Variants in CUX2 observed in about 807,000 individuals in gnomAD.
CUX2 encodes cut like homeobox 2.
CUX2 carries 40 observed loss-of-function variants against 144.8 expected under a neutral mutation model. The observed-to-expected ratio is 0.28, with a 90% CI of 0.21 to 0.36. CUX2 has a LOEUF of 0.36. Among genes scored for constraint, CUX2 ranks in the 10% least tolerant of loss-of-function variants. The pLI is 1.00. For synonymous variants in CUX2, 827 were observed against 875.6 expected, an observed-to-expected ratio of 0.94 and a Z score of 0.98; for missense variants, 1,615 against 1,994.0, an observed-to-expected ratio of 0.81 and a Z score of 3.62.
At chr12:111,223,853 G>A (rs1305907586) in intron 3 of CUX2, among the ~76,000 whole-genome samples, 2 of 152,114 alleles carry the variant, frequency 1.3e-5, no homozygotes, top group Non-Finnish European at 2.9e-5. Flanking sequence ...CCATCTCTTT[G>A]CTGGATGAAC....
chr12:111,080,112 T>C (rs1042062783), intron 1 of CUX2, among the ~76,000 whole-genome samples: 1 of 152,092 alleles, frequency 6.6e-6, no homozygotes, highest in Non-Finnish European at 1.5e-5. Context: ...ACTGAGCACT[T>C]TCTCACCTCA....
intron 4 of CUX2, among the ~76,000 whole-genome samples, chr12:111,286,823 C>T (rs1309409904): frequency 6.6e-6 from 1 of 152,010 alleles, no homozygotes; most frequent in African/African-American, 2.4e-5. Flanking sequence ...GAGCCAAGAT[C>T]GAGCCTTGGC....
At chr12:111,121,117 AAAC>A (rs1347633320) in intron 1 of CUX2, among the ~76,000 whole-genome samples, 3 of 151,578 alleles carry the variant, frequency 2.0e-5, no homozygotes, top group Admixed American at 6.6e-5. Flanking sequence ...AAAAAAAAAA[AAAC>A]AACCCACAAC....
At chr12:111,053,476 C>T (rs1870374575) in intron 1 of CUX2, among the ~76,000 whole-genome samples, 1 of 152,216 alleles carries the variant, frequency 6.6e-6, no homozygotes, top group Non-Finnish European at 1.5e-5. Flanking sequence ...GATTTAGCCC[C>T]AAGAGTATTC....
Position 111,061,271 on chromosome 12 carries a change from G to A in CUX2, c.63+27031G>A, listed in dbSNP as rs958572367. Among the ~76,000 whole-genome samples the A allele has an allele frequency of 1.3e-5, 2 of 151,598 alleles. No homozygotes were observed. The highest frequency in any genetic ancestry group is 4.9e-5 in the African/African-American group (2 of 41,220). On this transcript the variant is annotated intron_variant, in intron 1 of 21. Transcript: ENST00000261726. The surrounding 1 kb of genome is among the most constrained non-coding windows in gnomAD (Gnocchi z 4.2). The stretch of plus-strand genomic sequence containing the variant: ...CAACCCAGGACCCATGCACACCACA[G>A]TCCATGGCATCCTTTGCTCTCCTTT...
At chr12:111,298,619 G>T in intron 9 of CUX2, 30 bp downstream of exon 9, 1 of 1,554,704 alleles carries the variant, frequency 6.4e-7, no homozygotes. Context: ...ACCCGTGGGT[G>T]CCAGAGGCTC....
Position 111,298,667 on chromosome 12 carries a change from G to A in CUX2, c.753+78G>A. The A allele has an allele frequency of 3.0e-6, 4 of 1,335,546 alleles. No homozygotes were observed. The South Asian group carries it at 3.8e-5, about 13-fold the overall frequency. The allele number at this position is 1,335,546 out of a possible 1,614,324, so 82.7% of individuals were successfully genotyped here. A position where few individuals can be genotyped will look rare whatever the true frequency, so the allele number is the denominator to read the frequency against. ...GTGGGGGTCTCGGGCCAGATGAGGA[G>A]GAAGGGACTGAGCTTCATCAATATT... On this transcript the variant is annotated intron_variant, in intron 9 of 21. Transcript: ENST00000261726.
intron 1 of CUX2, among the ~76,000 whole-genome samples, chr12:111,042,506 C>T (rs141504743): frequency 7.6e-4 from 115 of 152,314 alleles, no homozygotes; most frequent in African/African-American, 2.6e-3. Context: ...GGTTCAAATC[C>T]CAGCTCTGCC....
intron 21 of CUX2, among the ~76,000 whole-genome samples, chr12:111,344,219 G>A (rs951841901): frequency 1.3e-5 from 2 of 152,144 alleles, no homozygotes; most frequent in Non-Finnish European, 2.9e-5. Context: ...TGAGCACTCC[G>A]TTATTATCCA....
At chr12:111,318,592 C>CT (rs111586172) in intron 16 of CUX2, among the ~76,000 whole-genome samples, 8,694 of 136,170 alleles carry the variant, frequency 0.064, 556 homozygotes, top group Admixed American at 0.21. Context: ...GACCACATCT[C>CT]TTTTTTTAAA....
chr12:111,250,020 C>T (rs1389715474), intron 3 of CUX2, among the ~76,000 whole-genome samples: 1 of 152,126 alleles, frequency 6.6e-6, no homozygotes, highest in East Asian at 1.9e-4. Context: ...CATGTACCCA[C>T]CATCACAGTG....
chr12:111,105,936 C>T (rs1036500449), intron 1 of CUX2, among the ~76,000 whole-genome samples: 2 of 149,620 alleles, frequency 1.3e-5, no homozygotes, highest in African/African-American at 5.0e-5. Flanking sequence ...ATGATCATGG[C>T]TCACTGCAGC....
chr12:111,307,321 A>G lies in CUX2; in HGVS notation c.1109+64A>G. 6.9e-7 allele frequency: 1 copy of G among 1,440,980 alleles called. No individual in the cohort carries two copies. The highest frequency in any genetic ancestry group is 9.7e-7 in the Non-Finnish European group (1 of 1,033,560). The allele number at this position is 1,440,980 out of a possible 1,614,324, so 89.3% of individuals were successfully genotyped here. A position where few individuals can be genotyped will look rare whatever the true frequency, so the allele number is the denominator to read the frequency against. ...CTTCCCTGGCCAGGAGCTCTTGGCA[A>G]AGTTCATCATCTTCCTCCCTCCTAC... On this transcript the variant is annotated intron_variant, in intron 12 of 21. Coordinates refer to ENST00000261726, the MANE Select transcript of CUX2 (RefSeq NM_015267.4). This position sits in a 1 kb window ranked among gnomAD's most constrained non-coding sequence, Gnocchi z 4.1.
intron 1 of CUX2, among the ~76,000 whole-genome samples, chr12:111,129,391 G>A (rs1875300846): frequency 6.6e-6 from 1 of 151,764 alleles, no homozygotes; most frequent in African/African-American, 2.4e-5. Flanking sequence ...GGCCTTGCCA[G>A]CTGAAAGCAC....
intron 3 of CUX2, among the ~76,000 whole-genome samples, chr12:111,229,959 A>G (rs1882377871): frequency 6.6e-6 from 1 of 151,268 alleles, no homozygotes; most frequent in Non-Finnish European, 1.5e-5. Context: ...GGCTGCAGTG[A>G]ACTGAGATCG....
In CUX2 at chr12:111,293,929, C is replaced by A. The variant is rs1325736244; in HGVS notation, c.560+360C>A. 6.6e-6 allele frequency among the ~76,000 whole-genome samples: 1 copy of A among 152,232 alleles called. No individual in the cohort carries two copies. Among genetic ancestry groups the A allele is most frequent in the Non-Finnish European group, 1.5e-5 (1 of 68,038 alleles). On this transcript the variant is annotated intron_variant, in intron 6 of 21. Coordinates refer to ENST00000261726, the MANE Select transcript of CUX2 (RefSeq NM_015267.4). The surrounding 1 kb of genome is among the most constrained non-coding windows in gnomAD (Gnocchi z 4.5). ...GACTTAGCTTATGCAGTTGTGGGAG[C>A]TGCCAGGTGCAAAATTGGTAGAGCA... is the stretch of plus-strand genomic sequence containing the variant.
chr12:111,348,624 G>A lies in CUX2; in HGVS notation c.*299G>A. 3.3e-6 allele frequency: 1 copy of A among 300,912 alleles called. No homozygotes were observed. The highest frequency in any genetic ancestry group is 6.1e-6 in the Non-Finnish European group (1 of 163,552). The allele number at this position is 300,912 out of a possible 1,614,324, so 18.6% of individuals were successfully genotyped here. On this transcript the variant is annotated 3_prime_UTR_variant, in exon 22 of 22. Transcript: ENST00000261726. ...CACCTGAAAACTCCAAACTCTTTTAGAAAAATAAATAAATATTTATAGACC... is the reference window on the plus strand; with the variant it reads ...CACCTGAAAACTCCAAACTCTTTTAAAAAAATAAATAAATATTTATAGACC...
chr12:111,340,487 T>C (rs1888530836), intron 20 of CUX2, among the ~76,000 whole-genome samples: 2 of 152,164 alleles, frequency 1.3e-5, no homozygotes, highest in Non-Finnish European at 2.9e-5. Flanking sequence ...GGTGGGAGGA[T>C]TGCTTGAGGC....
chr12:111,214,326 C>A lies in CUX2; in HGVS notation c.174+16C>A. The A allele has an allele frequency of 6.9e-7, 1 of 1,450,048 alleles. No individual in the cohort carries two copies. Among genetic ancestry groups the A allele is most frequent in the Non-Finnish European group, 9.6e-7 (1 of 1,042,696 alleles). The allele number at this position is 1,450,048 out of a possible 1,614,324, so 89.8% of individuals were successfully genotyped here. A position where few individuals can be genotyped will look rare whatever the true frequency, so the allele number is the denominator to read the frequency against. On this transcript the variant is annotated intron_variant, in intron 2 of 21. Coordinates refer to ENST00000261726, the MANE Select transcript of CUX2 (RefSeq NM_015267.4). The stretch of plus-strand genomic sequence containing the variant: ...TGTACCTGAGGTATGGTATATTTGC[C>A]GTTATAGAATTAACTCAGTAGGAAT...
Sources: gnomAD v4.1 joint callset for allele counts (sites outside exome capture counted in the v4.1 genomes callset) on GRCh38, gnomAD v4.1.1 for gene constraint, Gnocchi (gnomAD v3.1) non-coding constraint, MANE v1.5 for transcripts, NCBI Gene and HGNC (gene_info 2026-07-23, HGNC 2026-07-21) for gene names.